SPATA6: variants seen among roughly 807,000 people sequenced by gnomAD.
SPATA6 encodes spermatogenesis-associated protein 6.
A neutral mutation model predicts 65.3 loss-of-function variants in SPATA6; 56 were observed. The ratio of observed to expected loss-of-function variants is 0.86; its 90% CI spans 0.69 to 1.07. The LOEUF (loss-of-function observed/expected upper bound fraction) is 1.07, where lower values mean the gene tolerates loss of function less well. SPATA6 is among the 50% of genes least tolerant of loss of function. The pLI, the probability that SPATA6 is intolerant of heterozygous loss-of-function variation, is 0.00. For synonymous variants in SPATA6, 199 were observed against 213.2 expected (o/e 0.93, Z 0.58); for missense variants, 590 against 594.8 (o/e 0.99, Z 0.08).
chr1:48,417,917 A>G (rs990258557), intron 3 of SPATA6, among the ~76,000 whole-genome samples: 2 of 152,182 alleles, frequency 1.3e-5, no homozygotes, highest in African/African-American at 4.8e-5. Flanking sequence ...AACAACATCA[A>G]CATCCATGTG....
At chr1:48,304,016 G>A (rs1049274703) in intron 12 of SPATA6, among the ~76,000 whole-genome samples, 2 of 152,158 alleles carry the variant, frequency 1.3e-5, no homozygotes, top group Non-Finnish European at 2.9e-5. Flanking sequence ...CTTGACTTCT[G>A]CTGACAGAAA....
intron 9 of SPATA6, among the ~76,000 whole-genome samples, chr1:48,370,474 A>G (rs1647203405): frequency 6.6e-6 from 1 of 152,246 alleles, no homozygotes; most frequent in Non-Finnish European, 1.5e-5. Flanking sequence ...ATCAATTCCT[A>G]TCTTATCTGA....
At chr1:48,302,580 A>T (rs1644966414) in intron 12 of SPATA6, among the ~76,000 whole-genome samples, 1 of 152,174 alleles carries the variant, frequency 6.6e-6, no homozygotes, top group Non-Finnish European at 1.5e-5. Flanking sequence ...ATATTTTGCC[A>T]ATGGATCTGT....
chr1:48,366,268 G>A (rs944947656), intron 9 of SPATA6, among the ~76,000 whole-genome samples: 1 of 152,024 alleles, frequency 6.6e-6, no homozygotes, highest in African/African-American at 2.4e-5. Flanking sequence ...TTTTGGTTGT[G>A]TCTCTGCCCG....
chr1:48,440,386 C>A (rs879932720), intron 3 of SPATA6, among the ~76,000 whole-genome samples: 26 of 152,126 alleles, frequency 1.7e-4, no homozygotes, highest in African/African-American at 5.8e-4. Flanking sequence ...CAAACCCTGG[C>A]CTTTAACAAA....
intron 11 of SPATA6, among the ~76,000 whole-genome samples, chr1:48,339,450 A>C (rs1646147622): frequency 1.3e-5 from 2 of 152,050 alleles, no homozygotes; most frequent in African/African-American, 4.8e-5. Flanking sequence ...AGCAGATCAC[A>C]AACAGAATCC....
chr1:48,425,911 T>TTAAA (rs1380424175), intron 3 of SPATA6, among the ~76,000 whole-genome samples: 1 of 151,940 alleles, frequency 6.6e-6, no homozygotes. Context: ...AAAGATTTCT[T>TTAAA]TAAAATGAAA....
At chr1:48,416,020 T>G (rs1342455492) in intron 3 of SPATA6, among the ~76,000 whole-genome samples, 1 of 152,084 alleles carries the variant, frequency 6.6e-6, no homozygotes, top group Non-Finnish European at 1.5e-5. Context: ...CTGGGCAACG[T>G]GGCGAAACCC....
the SPATA6 span, among the ~76,000 whole-genome samples, chr1:48,284,807 T>C: frequency 5.9e-5 from 9 of 152,132 alleles, no homozygotes; most frequent in Non-Finnish European, 1.3e-4. Flanking sequence ...CTGGAAGCTT[T>C]GTCTCAGAGG....
chr1:48,370,133 A>C (rs1049832121), intron 9 of SPATA6, among the ~76,000 whole-genome samples: 1 of 152,252 alleles, frequency 6.6e-6, no homozygotes, highest in Non-Finnish European at 1.5e-5. Context: ...AGAATTAACT[A>C]CTACAAATAA....
At chr1:48,318,898 T>C (rs1310280940) in intron 11 of SPATA6, among the ~76,000 whole-genome samples, 1 of 152,126 alleles carries the variant, frequency 6.6e-6, no homozygotes, top group Non-Finnish European at 1.5e-5. Context: ...CAAAATAGTA[T>C]GATAATAGCA....
chr1:48,419,803 T>C (rs984895841), intron 3 of SPATA6, among the ~76,000 whole-genome samples: 4 of 152,202 alleles, frequency 2.6e-5, no homozygotes, highest in Non-Finnish European at 5.9e-5. Flanking sequence ...TGAATATGTT[T>C]ACAATATCAA....
At chr1:48,282,540 T>G in the SPATA6 span, among the ~76,000 whole-genome samples, 1 of 152,116 alleles carries the variant, frequency 6.6e-6, no homozygotes. Flanking sequence ...GAACAGACAC[T>G]TCTCAAAAGA....
At chr1:48,395,391 A>T (rs1034622480) in intron 7 of SPATA6, 37 bp from the exon 8 acceptor site, 1 of 1,447,914 alleles carries the variant, frequency 6.9e-7, no homozygotes, top group African/African-American at 1.4e-5. Flanking sequence ...AAGAGAGTTT[A>T]AACATTCCTA....
intron 9 of SPATA6, among the ~76,000 whole-genome samples, chr1:48,360,169 T>C (rs1044100226): frequency 6.6e-6 from 1 of 152,136 alleles, no homozygotes; most frequent in Non-Finnish European, 1.5e-5. Context: ...ACTACTTCAT[T>C]TGTTCTGGGA....
rs537928720 is a variant in SPATA6, at chr1:48,455,515, G to C, written c.52-2384C>G. 2.0e-5 allele frequency among the ~76,000 whole-genome samples: 3 copies of C among 151,740 alleles called. No homozygotes were observed. The South Asian group carries it at 6.3e-4, about 32-fold the overall frequency. ...CTCCTACCTCAGCCTCAAGTAGCTG[G>C]GACTACAGGCACCCGCCACCACACC... On this transcript the variant is annotated intron_variant, in intron 1 of 12. Coordinates refer to ENST00000371847, the MANE Select transcript of SPATA6 (RefSeq NM_019073.4).
chr1:48,465,019 A>C (rs74460978), intron 1 of SPATA6, among the ~76,000 whole-genome samples: 3,872 of 152,316 alleles, frequency 0.025, 64 homozygotes, highest in Non-Finnish European at 0.039. Flanking sequence ...AAAAACATGC[A>C]GTACTAAAAA....
At position 48,315,609 on chromosome 1, in the gene SPATA6, A is replaced by C. The variant is rs1645388591; in HGVS notation, c.1195-9731T>G. On this transcript the variant is annotated intron_variant, in intron 11 of 12. Transcript: ENST00000371847. ...TACTGAATGGGCAAAAACTGGAAGCATTCCCTTTGAAAACTGGCACAAGAC... is the reference window on the plus strand; with the variant it reads ...TACTGAATGGGCAAAAACTGGAAGCCTTCCCTTTGAAAACTGGCACAAGAC... Among the ~76,000 whole-genome samples, 3 of 152,334 alleles carry C rather than the reference A, an allele frequency of 2.0e-5. 1 individual carries two copies. The South Asian group carries it at 6.2e-4, about 32-fold the overall frequency.
intron 9 of SPATA6, among the ~76,000 whole-genome samples, chr1:48,366,278 G>A (rs914982089): frequency 5.9e-5 from 9 of 152,082 alleles, no homozygotes; most frequent in African/African-American, 2.2e-4. Flanking sequence ...GTCTCTGCCC[G>A]GCTTTGGTAT....
Sources: gnomAD v4.1 joint callset for allele counts (sites outside exome capture counted in the v4.1 genomes callset) on GRCh38, gnomAD v4.1.1 for gene constraint, MANE v1.5 for transcripts, NCBI Gene and HGNC (gene_info 2026-07-23, HGNC 2026-07-21) for gene names.